ECE1: variants seen among roughly 807,000 people sequenced by gnomAD.
ECE1 encodes the protein endothelin converting enzyme 1.
Under a neutral mutation model 98.6 loss-of-function variants are expected in ECE1, and 35 were observed. The observed-to-expected ratio is 0.35, with a 90% CI of 0.27 to 0.47. The LOEUF (loss-of-function observed/expected upper bound fraction) is 0.47, where lower values mean the gene tolerates loss of function less well. ECE1 is among the 20% of genes least tolerant of loss of function. The pLI, the probability that ECE1 is intolerant of heterozygous loss-of-function variation, is 1.00. For missense variants in ECE1, 814 were observed against 1,025.3 expected (o/e 0.79, Z 2.81); for synonymous variants, 394 against 407.1 (o/e 0.97, Z 0.39).
Position 21,307,197 on chromosome 1 carries a change from T to C in ECE1, c.4-17041A>G, listed in dbSNP as rs1206234899. On this transcript the variant is annotated intron_variant, in intron 1 of 18. Coordinates refer to the ECE1 transcript ENST00000415912. The surrounding 1 kb of genome is among the most constrained non-coding windows in gnomAD (Gnocchi z 4.2). Reference sequence around the variant, plus strand: ...CATTACCCCAGCCCGGGCCCTGTAATGCTGGCTTTAACATTTCCAAAGCGG... The same window carrying C: ...CATTACCCCAGCCCGGGCCCTGTAACGCTGGCTTTAACATTTCCAAAGCGG... Among the ~76,000 whole-genome samples the C allele has an allele frequency of 1.3e-5, 2 of 152,224 alleles. No homozygotes were observed. The highest frequency in any genetic ancestry group is 1.3e-4 in the Admixed American group (2 of 15,286).
chr1:21,315,416 T>C (rs1338732709), intron 1 of ECE1, among the ~76,000 whole-genome samples: 2 of 152,190 alleles, frequency 1.3e-5, no homozygotes, highest in Non-Finnish European at 2.9e-5. Flanking sequence ...AAAGGTGATC[T>C]ACCAGCTGGT....
upstream of ECE1, among the ~76,000 whole-genome samples, chr1:21,292,634 T>C (rs1182471799): frequency 6.6e-6 from 1 of 152,174 alleles, no homozygotes; most frequent in East Asian, 1.9e-4. Context: ...GTCTGGCCTG[T>C]CCAACAGAGA....
At chr1:21,247,423 C>T in intron 8 of ECE1, 60 bp from the exon 9 acceptor site, 13 of 1,612,766 alleles carry the variant, frequency 8.1e-6, no homozygotes. Context: ...GCCCAGGGCT[C>T]TAGGACGGGC....
Position 21,245,095 on chromosome 1 carries a change from T to G in ECE1, c.1172A>C (p.Asn391Thr). 6.2e-7 allele frequency: 1 copy of G among 1,614,124 alleles called. No individual in the cohort carries two copies. The highest frequency in any genetic ancestry group is 8.5e-7 in the Non-Finnish European group (1 of 1,179,994). ...CACCAGGTTCCAGATCATGTAGTTG[T>G]TGAGCAGGCTGCGGGGAGAGGAGGC... ...LINTTDRCLL[N>T]NYMIWNLVRK... The change falls in exon 10 of 19, where the codon AAC becomes ACC. Residue 391 changes from asparagine to threonine, a missense_variant. Transcript: ENST00000374893.
At chr1:21,318,802 C>T (rs143189720) in intron 1 of ECE1, among the ~76,000 whole-genome samples, 1,704 of 152,188 alleles carry the variant, frequency 0.011, 10 homozygotes, top group South Asian at 0.026. Context: ...AAAAAGCGGA[C>T]GGGGGAGGGG....
intron 10 of ECE1, 148 bp from the exon 11 acceptor site, chr1:21,238,392 C>G: frequency 1.4e-6 from 1 of 711,292 alleles, no homozygotes; most frequent in Non-Finnish European, 2.5e-6. Context: ...ATTTTAGTCA[C>G]CGGACCAAGA....
At chr1:21,343,744 G>T (rs1639445832) in intron 1 of ECE1, among the ~76,000 whole-genome samples, 1 of 152,202 alleles carries the variant, frequency 6.6e-6, no homozygotes, top group African/African-American at 2.4e-5. Flanking sequence ...CTTCACAATA[G>T]GCTGGTGGGC....
rs555390188 is a variant in ECE1, at chr1:21,235,708, A to G, written c.1566+142T>C. On this transcript the variant is annotated intron_variant, in intron 13 of 18. Transcript: ENST00000374893. The surrounding 1 kb of genome is among the most constrained non-coding windows in gnomAD (Gnocchi z 4.2). Reference sequence around the variant, plus strand: ...GAAGAGGCTTCCTCATGCCTGACCCATACCCAAGCCCCACACCACATCATC... The same window carrying G: ...GAAGAGGCTTCCTCATGCCTGACCCGTACCCAAGCCCCACACCACATCATC... 2.1e-6 allele frequency: 2 copies of G among 935,240 alleles called. No homozygotes were observed. Among genetic ancestry groups the G allele is most frequent in the Admixed American group, 1.7e-5 (1 of 57,686 alleles). The allele number at this position is 935,240 out of a possible 1,614,324, so 57.9% of individuals were successfully genotyped here. A position where few individuals can be genotyped will look rare whatever the true frequency, so the allele number is the denominator to read the frequency against.
Position 21,260,122 on chromosome 1 carries a change from C to T in ECE1, c.615+149G>A. ...GCTCACACTCACATGTGCTCTCGCA[C>T]ACTCGCTCTCTCTCTTTCTGTCTTT... On this transcript the variant is annotated intron_variant, in intron 5 of 18. Transcript: ENST00000374893. The surrounding 1 kb of genome is among the most constrained non-coding windows in gnomAD (Gnocchi z 4.3). 3.2e-6 allele frequency: 4 copies of T among 1,265,356 alleles called. No homozygotes were observed. The highest frequency in any genetic ancestry group is 4.5e-6 in the Non-Finnish European group (4 of 881,336). The allele number at this position is 1,265,356 out of a possible 1,614,324, so 78.4% of individuals were successfully genotyped here. A position where few individuals can be genotyped will look rare whatever the true frequency, so the allele number is the denominator to read the frequency against.
chr1:21,277,115 T>G (rs2098248189), intron 3 of ECE1, among the ~76,000 whole-genome samples: 1 of 152,162 alleles, frequency 6.6e-6, no homozygotes, highest in South Asian at 2.1e-4. Flanking sequence ...GGGTGGTCAC[T>G]GCTTTCCCAG....
chr1:21,313,318 G>A (rs1403168771), intron 1 of ECE1, among the ~76,000 whole-genome samples: 1 of 152,176 alleles, frequency 6.6e-6, no homozygotes, highest in East Asian at 1.9e-4. Context: ...CTGGTCCCCA[G>A]TACACTCCAT....
chr1:21,312,048 A>T (rs1005352450), intron 1 of ECE1, among the ~76,000 whole-genome samples: 14 of 150,398 alleles, frequency 9.3e-5, no homozygotes, highest in African/African-American at 2.7e-4. Context: ...GCTTGAACCC[A>T]GGAGGCGGAG....
chr1:21,312,091 C>T (rs1569732562), intron 1 of ECE1, among the ~76,000 whole-genome samples: 2 of 149,392 alleles, frequency 1.3e-5, no homozygotes, highest in South Asian at 2.1e-4. Context: ...CCACTGCACT[C>T]CAGCCTGAGC....
At position 21,333,661 on chromosome 1, in the gene ECE1, C is replaced by T. The variant is rs144540153; in HGVS notation, c.3+11715G>A. On this transcript the variant is annotated intron_variant, in intron 1 of 18. Coordinates refer to the ECE1 transcript ENST00000415912. The stretch of plus-strand genomic sequence containing the variant: ...CAGCCTGGCCAACATGGTGAAACCC[C>T]GTCTCTACTAAAAAATACAAAAGTT... Among the ~76,000 whole-genome samples, 1,442 of 152,160 alleles carry T rather than the reference C, an allele frequency of 9.5e-3. 19 individuals are homozygous for T. Among genetic ancestry groups the T allele is most frequent in the African/African-American group, 0.033 (1,389 of 41,506 alleles).
At chr1:21,250,432 G>A (rs2098211141) in intron 8 of ECE1, among the ~76,000 whole-genome samples, 2 of 152,162 alleles carry the variant, frequency 1.3e-5, no homozygotes, top group South Asian at 2.1e-4. Context: ...AGATGGATAT[G>A]TCTGGCATTT....
Position 21,220,253 on chromosome 1 carries a change from T to C in ECE1, c.2137-122A>G. On this transcript the variant is annotated intron_variant, in intron 18 of 18. Coordinates refer to ENST00000374893, the MANE Select transcript of ECE1 (RefSeq NM_001397.3). This position sits in a 1 kb window ranked among gnomAD's most constrained non-coding sequence, Gnocchi z 5.0. ...GCTCACACCTGTAATCCCAGCACTT[T>C]GGGAGCCAAGGTGGAAGGGCTGCTT... 1 of 1,165,814 alleles carries C rather than the reference T, an allele frequency of 8.6e-7. No homozygotes were observed. The highest frequency in any genetic ancestry group is 2.6e-5 in the East Asian group (1 of 38,854). The allele number at this position is 1,165,814 out of a possible 1,614,324, so 72.2% of individuals were successfully genotyped here. A position where few individuals can be genotyped will look rare whatever the true frequency, so the allele number is the denominator to read the frequency against.
At chr1:21,236,592 T>C (rs1031478279) in intron 12 of ECE1, among the ~76,000 whole-genome samples, 154 bp downstream of exon 12, 8 of 152,154 alleles carry the variant, frequency 5.3e-5, no homozygotes, top group African/African-American at 1.9e-4. Context: ...GAGGTTGCGG[T>C]GAGCCAAGAT....
chr1:21,236,280 G>A (rs2098187888), intron 12 of ECE1, among the ~76,000 whole-genome samples: 2 of 152,256 alleles, frequency 1.3e-5, no homozygotes, highest in African/African-American at 4.8e-5. Flanking sequence ...ATGTGCTTGA[G>A]GCCTACCCCG....
chr1:21,222,139 C>A (rs911768800), intron 17 of ECE1: 1 of 459,190 alleles, frequency 2.2e-6, no homozygotes, highest in Non-Finnish European at 4.0e-6. Flanking sequence ...TCAAACTTAA[C>A]ATGGTATAAA....
Sources: gnomAD v4.1 joint callset for allele counts (sites outside exome capture counted in the v4.1 genomes callset) on GRCh38, gnomAD v4.1.1 for gene constraint, Gnocchi (gnomAD v3.1) non-coding constraint, MANE v1.5 for transcripts, NCBI Gene and HGNC (gene_info 2026-07-23, HGNC 2026-07-21) for gene names.